Variants in ITGB1 observed in about 807,000 individuals in gnomAD.
ITGB1 encodes the protein integrin beta-1.
Under a neutral mutation model 86.5 loss-of-function variants are expected in ITGB1, and 24 were observed. The observed-to-expected ratio is 0.28, with a 90% CI of 0.20 to 0.39. The LOEUF is 0.39. ITGB1 is among the 10% of genes least tolerant of loss of function. The pLI is 1.00. For missense variants in ITGB1, 556 were observed against 946.9 expected (o/e 0.59, Z 5.42); for synonymous variants, 323 against 316.8 (o/e 1.02, Z -0.21).
chr10:32,906,900 C>A lies in ITGB1; in HGVS notation c.2331+1468G>T, dbSNP rs111449654. Among the ~76,000 whole-genome samples, 90 of 152,214 alleles carry A rather than the reference C, an allele frequency of 5.9e-4. 1 individual carries two copies. The highest frequency in any genetic ancestry group is 2.1e-3 in the African/African-American group (86 of 41,532). ...TTTCTATATCACATTACTTATTTTA[C>A]GGTCTTTCTAAACGCGAAGTTAACA... On this transcript the variant is annotated intron_variant, in intron 15 of 15. Transcript: ENST00000302278.
chr10:32,922,302 A>C lies in ITGB1; in HGVS notation c.1083T>G (p.Ser361=), dbSNP rs2094952590. 1 of 1,609,824 alleles carries C rather than the reference A, an allele frequency of 6.2e-7. No individual in the cohort carries two copies. The change falls in exon 9 of 16, where the codon TCT becomes TCG. Residue 361 remains serine, a synonymous_variant. Coordinates refer to ENST00000302278, the MANE Select transcript of ITGB1 (RefSeq NM_002211.4). ...LIPKSAVGTL[S]ANSSNVIQLI... is the part of the protein sequence containing the mutation. ...ACTGAATTACATTGCTAGAATTTGC[A>C]GATAATGTTCCTACTGCTGACTTAG...
At position 32,912,226 on chromosome 10, in the gene ITGB1, G is replaced by A. The variant is rs573752247; in HGVS notation, c.1470-102C>T. 6.1e-5 allele frequency: 53 copies of A among 869,756 alleles called. No homozygotes were observed. The African/African-American group carries it at 8.0e-4, about 13-fold the overall frequency. 53.9% of individuals were successfully genotyped at this position (869,756 alleles called of 1,614,324 possible). ...AGCTCTAGTCTACAGCTCCCAGCGT[G>A]AGCGACACAGAAGACAGGTGGTTTC... is the stretch of plus-strand genomic sequence containing the variant. On this transcript the variant is annotated intron_variant, in intron 11 of 15. Coordinates refer to ENST00000302278, the MANE Select transcript of ITGB1 (RefSeq NM_002211.4).
rs565208719 is a variant in ITGB1, at chr10:32,907,704, T to C, written c.2331+664A>G. Among the ~76,000 whole-genome samples, 164 of 152,146 alleles carry C rather than the reference T, an allele frequency of 1.1e-3. 1 individual carries two copies. Among genetic ancestry groups the C allele is most frequent in the Non-Finnish European group, 1.9e-3 (128 of 68,010 alleles). On this transcript the variant is annotated intron_variant, in intron 15 of 15. Coordinates refer to ENST00000302278, the MANE Select transcript of ITGB1 (RefSeq NM_002211.4). ...TTGCTTTTCCAGAATGTCCTCTAAATGGAATCATATAGTATATAGCAGGGG... is the reference window on the plus strand; with the variant it reads ...TTGCTTTTCCAGAATGTCCTCTAAACGGAATCATATAGTATATAGCAGGGG...
chr10:32,909,340 G>T (rs529651007), intron 14 of ITGB1, among the ~76,000 whole-genome samples: 1 of 152,222 alleles, frequency 6.6e-6, no homozygotes, highest in East Asian at 1.9e-4. Context: ...AACTCAAAAT[G>T]AGTTACAGAT....
At chr10:32,941,079 AGGC>A (rs2095017200) in intron 1 of ITGB1, among the ~76,000 whole-genome samples, 1 of 152,232 alleles carries the variant, frequency 6.6e-6, no homozygotes, top group Non-Finnish European at 1.5e-5. Flanking sequence ...CAGAGGCATC[AGGC>A]ACATGGCAGT....
At chr10:32,951,484 A>T (rs1445411627) in intron 1 of ITGB1, among the ~76,000 whole-genome samples, 2 of 152,180 alleles carry the variant, frequency 1.3e-5, no homozygotes, top group Non-Finnish European at 2.9e-5. Flanking sequence ...TGAAGCATTT[A>T]ATTCAAATGG....
At chr10:32,956,714 G>GA (rs1284185592) in intron 1 of ITGB1, among the ~76,000 whole-genome samples, 2 of 151,992 alleles carry the variant, frequency 1.3e-5, no homozygotes, top group African/African-American at 4.8e-5. Context: ...AAAACAAAAC[G>GA]AAATAACCTA....
At chr10:32,947,441 G>GTGTGTC (rs2095033936) in intron 1 of ITGB1, among the ~76,000 whole-genome samples, 1 of 150,824 alleles carries the variant, frequency 6.6e-6, no homozygotes, top group Non-Finnish European at 1.5e-5. Flanking sequence ...CCGTGTGTGT[G>GTGTGTC]TGTGTGTGTG....
Position 32,958,125 on chromosome 10 carries a change from C to G in ITGB1, c.-1+20G>C, listed in dbSNP as rs1281788013. ...AGGCCGCGGCCCGCGCTCCCACACC[C>G]GAGGCCCGCCGGCCCCTACCTTTTC... On this transcript the variant is annotated intron_variant, in intron 1 of 15. Coordinates refer to ENST00000302278, the MANE Select transcript of ITGB1 (RefSeq NM_002211.4). 6.6e-6 allele frequency: 1 copy of G among 150,846 alleles called. No homozygotes were observed. The highest frequency in any genetic ancestry group is 2.4e-5 in the African/African-American group (1 of 41,234). The allele number at this position is 150,846 out of a possible 1,614,324, so 9.3% of individuals were successfully genotyped here.
intron 1 of ITGB1, among the ~76,000 whole-genome samples, chr10:32,948,038 A>G (rs1317033484): frequency 6.6e-6 from 1 of 152,038 alleles, no homozygotes; most frequent in Non-Finnish European, 1.5e-5. Context: ...AATTATAACC[A>G]GAAAACTGAC....
At chr10:32,949,548 C>G (rs896375638) in intron 1 of ITGB1, among the ~76,000 whole-genome samples, 1 of 152,000 alleles carries the variant, frequency 6.6e-6, no homozygotes, top group African/African-American at 2.4e-5. Context: ...GTGTCTTGTT[C>G]CTATAAAAGC....
At chr10:32,926,206 T>G in intron 5 of ITGB1, 97 bp from the exon 6 acceptor site, 1 of 913,862 alleles carries the variant, frequency 1.1e-6, no homozygotes. Context: ...TGTTACCAAA[T>G]GTAGGTTACT....
chr10:32,917,142 G>T (rs1250160112), intron 11 of ITGB1, among the ~76,000 whole-genome samples: 13 of 151,958 alleles, frequency 8.6e-5, no homozygotes, highest in South Asian at 2.1e-4. Flanking sequence ...TAGCCATATG[G>T]AGAAAGCTGA....
At chr10:32,943,621 G>A (rs553054822) in intron 1 of ITGB1, among the ~76,000 whole-genome samples, 31 of 152,238 alleles carry the variant, frequency 2.0e-4, no homozygotes, top group Non-Finnish European at 3.4e-4. Context: ...TGGAACCTAC[G>A]ACAGTTAAGA....
rs1206086767 is a variant in ITGB1, at chr10:32,901,445, A to G, written c.*125T>C. ...TAATAAAACATTTTAAAAATTATAC[A>G]TATTGTACATTTTCAAAACCTGCAC... On this transcript the variant is annotated 3_prime_UTR_variant, in exon 16 of 16. Transcript: ENST00000302278. 2 of 623,032 alleles carry G rather than the reference A, an allele frequency of 3.2e-6. No individual in the cohort carries two copies. The highest frequency in any genetic ancestry group is 3.0e-5 in the Admixed American group (1 of 33,542). 38.6% of individuals were successfully genotyped at this position (623,032 alleles called of 1,614,324 possible).
Position 32,914,829 on chromosome 10 carries a change from C to A in ITGB1, c.1470-2705G>T, listed in dbSNP as rs540924073. Reference sequence around the variant, plus strand: ...ACCAAGTGGACCTAATAGACATCTACAGAACTCTCCATCCCAAAACAACAG... The same window carrying A: ...ACCAAGTGGACCTAATAGACATCTAAAGAACTCTCCATCCCAAAACAACAG... On this transcript the variant is annotated intron_variant, in intron 11 of 15. Coordinates refer to ENST00000302278, the MANE Select transcript of ITGB1 (RefSeq NM_002211.4). 2.6e-5 allele frequency among the ~76,000 whole-genome samples: 4 copies of A among 152,202 alleles called. No homozygotes were observed. The South Asian group carries it at 8.3e-4, about 32-fold the overall frequency.
chr10:32,906,288 T>C (rs2504019), intron 15 of ITGB1, among the ~76,000 whole-genome samples: 89,912 of 152,090 alleles, frequency 0.59, 30,368 homozygotes, highest in Non-Finnish European at 0.75. Flanking sequence ...ATAACAAATT[T>C]GTTATTTAAG....
chr10:32,908,635 C>A (rs2137163453), intron 14 of ITGB1, 101 bp from the exon 15 acceptor site: 2 of 914,418 alleles, frequency 2.2e-6, no homozygotes, highest in Non-Finnish European at 3.3e-6. Context: ...CGCACACTAT[C>A]CCAAAGAATC....
At chr10:32,912,620 T>C (rs2504021) in intron 11 of ITGB1, among the ~76,000 whole-genome samples, 125,475 of 152,124 alleles carry the variant, frequency 0.82, 52,482 homozygotes, top group Non-Finnish European at 0.9. Context: ...GAGGGAGGGG[T>C]ATCCCCCATT....
Sources: gnomAD v4.1 joint callset for allele counts (sites outside exome capture counted in the v4.1 genomes callset) on GRCh38, gnomAD v4.1.1 for gene constraint, MANE v1.5 for transcripts, NCBI Gene and HGNC (gene_info 2026-07-23, HGNC 2026-07-21) for gene names.